The following GRHL2 variants were observed in gnomAD, a reference collection of about 807,000 sequenced individuals.
The protein encoded by GRHL2 is grainyhead like transcription factor 2.
GRHL2 carries 21 observed loss-of-function variants against 83.8 expected under a neutral mutation model. The observed-to-expected ratio is 0.25, with a 90% CI of 0.18 to 0.36. The LOEUF (loss-of-function observed/expected upper bound fraction) is 0.36, where lower values mean the gene tolerates loss of function less well. Among genes scored for constraint, GRHL2 ranks in the 10% least tolerant of loss-of-function variants. GRHL2 has a pLI of 1.00. For synonymous variants in GRHL2, 280 were observed against 278.9 expected (o/e 1.00, Z -0.04); for missense variants, 623 against 781.8 (o/e 0.80, Z 2.42).
intron 1 of GRHL2, among the ~76,000 whole-genome samples, chr8:101,502,023 C>T (rs1392768571): frequency 1.6e-5 from 1 of 62,590 alleles, no homozygotes; most frequent in Non-Finnish European, 3.2e-5. Flanking sequence ...TTCCCACACT[C>T]ACCCCAAATC....
At chr8:101,664,408 G>T in intron 14 of GRHL2, 46 bp from the exon 15 acceptor site, 1 of 1,422,620 alleles carries the variant, frequency 7.0e-7, no homozygotes, top group South Asian at 1.1e-5. Context: ...GCCTCCAGTT[G>T]GGCGTCCTTC....
rs1404109777 is a variant in GRHL2, at chr8:101,609,797, GA to G, written c.1099-9739del. 2.6e-5 allele frequency among the ~76,000 whole-genome samples: 4 copies of G among 151,034 alleles called. 1 individual carries two copies. Among genetic ancestry groups the G allele is most frequent in the Admixed American group, 6.6e-5 (1 of 15,226 alleles). On this transcript the variant is annotated intron_variant, in intron 8 of 15. Coordinates refer to ENST00000646743, the MANE Select transcript of GRHL2 (RefSeq NM_024915.4). The stretch of plus-strand genomic sequence containing the variant: ...AACATGTTTCTAGAAGGATACTCAA[GA>G]AATTGTTGGTTGGCTGGGAAACAAG...
At chr8:101,673,337 A>G (rs1348869191), downstream of GRHL2, among the ~76,000 whole-genome samples, 3 of 152,124 alleles carry the variant, frequency 2.0e-5, no homozygotes, top group Non-Finnish European at 4.4e-5. Context: ...CATAGGCTCA[A>G]AATAAAGGGA....
At chr8:101,677,033 G>A in the GRHL2 span, among the ~76,000 whole-genome samples, 5 of 151,928 alleles carry the variant, frequency 3.3e-5, no homozygotes, top group African/African-American at 1.2e-4. Flanking sequence ...GACACAGGAA[G>A]GGGAATATCA....
chr8:101,532,057 G>A (rs1318081068), intron 1 of GRHL2, among the ~76,000 whole-genome samples: 1 of 152,098 alleles, frequency 6.6e-6, no homozygotes, highest in Non-Finnish European at 1.5e-5. Flanking sequence ...TATCGTCCTG[G>A]GCTTATGGAT....
At chr8:101,648,975 G>A (rs1813567113) in intron 13 of GRHL2, among the ~76,000 whole-genome samples, 1 of 152,166 alleles carries the variant, frequency 6.6e-6, no homozygotes, top group Non-Finnish European at 1.5e-5. Context: ...TAAATGGACT[G>A]CAAAATCCTT....
chr8:101,522,942 C>T (rs547062723), intron 1 of GRHL2, among the ~76,000 whole-genome samples: 32 of 151,488 alleles, frequency 2.1e-4, no homozygotes, highest in Admixed American at 1.7e-3. Flanking sequence ...TGGAATCTCG[C>T]TCTGTCACCC....
At chr8:101,659,996 C>CT (rs1057389770) in intron 14 of GRHL2, among the ~76,000 whole-genome samples, 19 of 149,894 alleles carry the variant, frequency 1.3e-4, no homozygotes, top group African/African-American at 2.0e-4. Flanking sequence ...TTTCTGGAAA[C>CT]TTTTTTTTTT....
intron 8 of GRHL2, among the ~76,000 whole-genome samples, chr8:101,616,960 C>T (rs10955264): frequency 0.32 from 48,090 of 151,978 alleles, 7,864 homozygotes; most frequent in African/African-American, 0.4. Context: ...TTAAGACACA[C>T]ATCATGATGT....
At chr8:101,577,843 G>T (rs1811964584) in intron 7 of GRHL2, among the ~76,000 whole-genome samples, 1 of 152,220 alleles carries the variant, frequency 6.6e-6, no homozygotes, top group Admixed American at 6.5e-5. Context: ...CAGTCAGCAG[G>T]TCAGATGAAC....
intron 4 of GRHL2, among the ~76,000 whole-genome samples, chr8:101,566,724 T>C (rs748709597): frequency 3.3e-5 from 5 of 151,812 alleles, no homozygotes; most frequent in Non-Finnish European, 5.9e-5. Context: ...TCTGGAAACA[T>C]TGCACTCTGT....
At chr8:101,549,073 C>T (rs529142325) in intron 2 of GRHL2, among the ~76,000 whole-genome samples, 10 of 150,814 alleles carry the variant, frequency 6.6e-5, no homozygotes, top group South Asian at 2.1e-4. Context: ...ATATCATGGA[C>T]ACAGAAAATT....
At chr8:101,532,339 T>C (rs1375110056) in intron 1 of GRHL2, among the ~76,000 whole-genome samples, 1 of 152,218 alleles carries the variant, frequency 6.6e-6, no homozygotes, top group Non-Finnish European at 1.5e-5. Flanking sequence ...CTGAATATGG[T>C]CATTTTTCTG....
chr8:101,644,254 C>T (rs1437965141), intron 13 of GRHL2, 29 bp downstream of exon 13: 1 of 1,552,756 alleles, frequency 6.4e-7, no homozygotes, highest in Non-Finnish European at 8.9e-7. Flanking sequence ...CATGCCCTCT[C>T]AGAAGGGATG....
At position 101,666,997 on chromosome 8, in the gene GRHL2, T is replaced by A. The variant is rs545593436; in HGVS notation, c.*294T>A. 1 of 511,312 alleles carries A rather than the reference T, an allele frequency of 2.0e-6. No individual in the cohort carries two copies. The highest frequency in any genetic ancestry group is 3.2e-5 in the Admixed American group (1 of 31,274). The allele number at this position is 511,312 out of a possible 1,614,324, so 31.7% of individuals were successfully genotyped here. A position where few individuals can be genotyped will look rare whatever the true frequency, so the allele number is the denominator to read the frequency against. The stretch of plus-strand genomic sequence containing the variant: ...AGCCCAGGTCCAGGCCCGCCAGGAC[T>A]CTGCAGGTCACTGCTAGCTCCAGAT... On this transcript the variant is annotated 3_prime_UTR_variant, in exon 16 of 16. Transcript: ENST00000646743.
intron 1 of GRHL2, among the ~76,000 whole-genome samples, chr8:101,525,070 G>A (rs1254117699): frequency 1.1e-4 from 17 of 152,028 alleles, no homozygotes; most frequent in Admixed American, 1.0e-3. Context: ...AGCTTCCTGC[G>A]TAGCTGGGAT....
At chr8:101,605,966 C>T (rs1167474907) in intron 8 of GRHL2, among the ~76,000 whole-genome samples, 2 of 152,150 alleles carry the variant, frequency 1.3e-5, no homozygotes, top group African/African-American at 4.8e-5. Context: ...CTCTGCACAC[C>T]TTTCTTTAGT....
intron 7 of GRHL2, among the ~76,000 whole-genome samples, chr8:101,593,813 C>A (rs1049938237): frequency 3.3e-5 from 5 of 151,862 alleles, no homozygotes; most frequent in South Asian, 2.1e-4. Context: ...CACCTGTAAT[C>A]CCAGCACTTT....
chr8:101,625,930 G>A (rs1426022004), intron 9 of GRHL2, among the ~76,000 whole-genome samples: 1 of 151,930 alleles, frequency 6.6e-6, no homozygotes, highest in Non-Finnish European at 1.5e-5. Flanking sequence ...GAAATCTCAC[G>A]AGTCCTGCAG....
Sources: gnomAD v4.1 joint callset for allele counts (sites outside exome capture counted in the v4.1 genomes callset) on GRCh38, gnomAD v4.1.1 for gene constraint, MANE v1.5 for transcripts, NCBI Gene and HGNC (gene_info 2026-07-23, HGNC 2026-07-21) for gene names.